Variants in USP12 observed in about 807,000 individuals in gnomAD.
USP12 encodes the protein ubiquitin specific peptidase 12.
Under a neutral mutation model 45.5 loss-of-function variants are expected in USP12, and 19 were observed. That is an observed-to-expected ratio of 0.42 (90% CI 0.29 to 0.61). The LOEUF (loss-of-function observed/expected upper bound fraction) is 0.61. Ranked by LOEUF, USP12 falls within the 20% of genes least tolerant of loss-of-function variation. The pLI is 0.22. For synonymous variants in USP12, 149 were observed against 148.8 expected (o/e 1.00, Z -0.01); for missense variants, 242 against 447.7 (o/e 0.54, Z 4.15).
rs192856955 is a variant in USP12, at chr13:27,133,958, C to A, written c.49-17362G>T. On this transcript the variant is annotated intron_variant, in intron 1 of 8. Coordinates refer to ENST00000282344, the MANE Select transcript of USP12 (RefSeq NM_182488.4). ...ACCAGCCTGGGCAACACAGTGAAAT[C>A]CCATCTCTAAATAAATAAAATAAAA... 1.1e-4 allele frequency among the ~76,000 whole-genome samples: 16 copies of A among 152,250 alleles called. No individual in the cohort carries two copies. In the East Asian group the frequency reaches 3.1e-3, roughly 29 times the overall value.
At chr13:27,082,519 T>C (rs568415606) in intron 6 of USP12, among the ~76,000 whole-genome samples, 1 of 152,316 alleles carries the variant, frequency 6.6e-6, no homozygotes, top group East Asian at 1.9e-4. Context: ...TTCACTAGAG[T>C]AGCTCTTTTA....
chr13:27,106,685 G>A (rs1242236257), intron 2 of USP12, among the ~76,000 whole-genome samples: 4 of 152,032 alleles, frequency 2.6e-5, no homozygotes, highest in Non-Finnish European at 5.9e-5. Context: ...GATATCAAAT[G>A]TATGTCCATA....
At position 27,080,677 on chromosome 13, in the gene USP12, T is replaced by C. The variant is rs141585368; in HGVS notation, c.735-5289A>G. Among the ~76,000 whole-genome samples, 917 of 152,264 alleles carry C rather than the reference T, an allele frequency of 6.0e-3. 3 individuals carry two copies. Among genetic ancestry groups the C allele is most frequent in the Middle Eastern group, 0.014 (4 of 294 alleles). ...CAGAGTAGTGACAGAAATACAGGCA[T>C]ATCTTGGACACGCAGCAAGTTCAGT... On this transcript the variant is annotated intron_variant, in intron 6 of 8. Coordinates refer to ENST00000282344, the MANE Select transcript of USP12 (RefSeq NM_182488.4).
At chr13:27,119,549 T>C (rs1875887978) in intron 1 of USP12, among the ~76,000 whole-genome samples, 1 of 152,260 alleles carries the variant, frequency 6.6e-6, no homozygotes, top group African/African-American at 2.4e-5. Context: ...AGTAAGGCTT[T>C]ACATGAACTA....
chr13:27,090,535 G>C (rs1018909054), intron 4 of USP12, among the ~76,000 whole-genome samples: 7 of 151,794 alleles, frequency 4.6e-5, no homozygotes, highest in Admixed American at 1.3e-4. Context: ...CAGGATATCT[G>C]TATTGTCATT....
chr13:27,160,795 TC>T (rs1387804682), intron 1 of USP12, among the ~76,000 whole-genome samples: 3 of 150,460 alleles, frequency 2.0e-5, no homozygotes, highest in Non-Finnish European at 4.4e-5. Flanking sequence ...TTTTTTTTTT[TC>T]CCCCTTCAAC....
At chr13:27,091,721 A>G (rs1266250541) in intron 4 of USP12, among the ~76,000 whole-genome samples, 1 of 152,214 alleles carries the variant, frequency 6.6e-6, no homozygotes, top group Non-Finnish European at 1.5e-5. Flanking sequence ...AGCAACCGAC[A>G]ATGAAACCCT....
chr13:27,079,748 TGCCACAGATGAATGCAATACCCCA>T (rs1565982510), intron 6 of USP12, among the ~76,000 whole-genome samples: 1 of 152,234 alleles, frequency 6.6e-6, no homozygotes, highest in African/African-American at 2.4e-5. Context: ...TTGCAAGCTC[TGCCACAGATGAATGCAATACCCCA>T]GCCACAGGCA....
intron 6 of USP12, chr13:27,077,480 A>G (rs1456323183): frequency 6.6e-6 from 1 of 152,208 alleles, no homozygotes; most frequent in Non-Finnish European, 1.5e-5. Flanking sequence ...AAGAGAAAAT[A>G]TCTCAATAAT....
chr13:27,069,252 G>A lies in USP12; in HGVS notation c.*31C>T. ...CCAAAATAACCAGAGAAGAAATGAGGCAGAAAGTGTCTCTTCATCACGGTT... is the reference window on the plus strand; with the variant it reads ...CCAAAATAACCAGAGAAGAAATGAGACAGAAAGTGTCTCTTCATCACGGTT... On this transcript the variant is annotated 3_prime_UTR_variant, in exon 9 of 9. Transcript: ENST00000282344. The A allele has an allele frequency of 6.5e-7, 1 of 1,541,462 alleles. No individual in the cohort carries two copies. The highest frequency in any genetic ancestry group is 1.7e-5 in the Admixed American group (1 of 59,828).
chr13:27,094,183 T>TAA (rs71083629), intron 4 of USP12, among the ~76,000 whole-genome samples: 113,695 of 142,040 alleles, frequency 0.8, 46,699 homozygotes, highest in South Asian at 0.92. Context: ...CAAGGGGATT[T>TAA]AAAAAAAAAA....
At chr13:27,118,245 G>T (rs568866335) in intron 1 of USP12, among the ~76,000 whole-genome samples, 2 of 151,980 alleles carry the variant, frequency 1.3e-5, no homozygotes, top group African/African-American at 4.8e-5. Flanking sequence ...CTGAAAAGGG[G>T]ACTGATAAAG....
At chr13:27,160,112 C>T (rs1878036781) in intron 1 of USP12, among the ~76,000 whole-genome samples, 2 of 152,080 alleles carry the variant, frequency 1.3e-5, no homozygotes, top group African/African-American at 4.8e-5. Context: ...AATTATACCT[C>T]AGTAAAGCTG....
chr13:27,154,462 G>A (rs996591079), intron 1 of USP12, among the ~76,000 whole-genome samples: 4 of 152,126 alleles, frequency 2.6e-5, no homozygotes, highest in African/African-American at 9.7e-5. Flanking sequence ...AGTACCTGAA[G>A]TAAAAATTCT....
At chr13:27,082,078 G>A (rs1053504715) in intron 6 of USP12, among the ~76,000 whole-genome samples, 3 of 152,170 alleles carry the variant, frequency 2.0e-5, no homozygotes, top group South Asian at 2.1e-4. Flanking sequence ...TGCATTAACC[G>A]CTAACCAGAG....
chr13:27,097,296 T>C (rs997229928), intron 3 of USP12, among the ~76,000 whole-genome samples: 1 of 152,050 alleles, frequency 6.6e-6, no homozygotes, highest in Non-Finnish European at 1.5e-5. Context: ...TGAAAGTCCG[T>C]CTCTACTAAA....
At chr13:27,102,080 A>G (rs1251183359) in intron 3 of USP12, among the ~76,000 whole-genome samples, 1 of 152,214 alleles carries the variant, frequency 6.6e-6, no homozygotes, top group Non-Finnish European at 1.5e-5. Context: ...TGATGACAGA[A>G]AAGTAGATCT....
chr13:27,168,120 C>A (rs1422961950), intron 1 of USP12, among the ~76,000 whole-genome samples: 2 of 152,014 alleles, frequency 1.3e-5, no homozygotes, highest in Non-Finnish European at 1.5e-5. Flanking sequence ...CTCCTAGCAC[C>A]TACCTTTACC....
At chr13:27,106,054 T>G in intron 2 of USP12, 110 bp from the exon 3 acceptor site, 1 of 866,228 alleles carries the variant, frequency 1.2e-6, no homozygotes, top group Non-Finnish European at 1.7e-6. Flanking sequence ...GTTACTACTG[T>G]TACTATAACA....
Sources: gnomAD v4.1 joint callset for allele counts (sites outside exome capture counted in the v4.1 genomes callset) on GRCh38, gnomAD v4.1.1 for gene constraint, MANE v1.5 for transcripts, NCBI Gene and HGNC (gene_info 2026-07-23, HGNC 2026-07-21) for gene names.